DMTF1: variants seen among roughly 807,000 people sequenced by gnomAD.
The protein encoded by DMTF1 is cyclin D binding myb like transcription factor 1.
Under a neutral mutation model 91.1 loss-of-function variants are expected in DMTF1, and 39 were observed. The observed-to-expected ratio is 0.43, with a 90% CI of 0.33 to 0.56. DMTF1 has a LOEUF of 0.56. Among genes scored for constraint, DMTF1 ranks in the 20% least tolerant of loss-of-function variants. The pLI is 0.05. For missense variants in DMTF1, 750 were observed against 914.5 expected, an observed-to-expected ratio of 0.82 and a Z score of 2.32; for synonymous variants, 338 against 309.5, an observed-to-expected ratio of 1.09 and a Z score of -0.97.
chr7:87,193,788 A>G lies in DMTF1; in HGVS notation c.1714A>G (p.Ile572Val), dbSNP rs1211487147. 1 of 1,613,192 alleles carries G rather than the reference A, an allele frequency of 6.2e-7. No individual in the cohort carries two copies. The highest frequency in any genetic ancestry group is 2.2e-5 in the East Asian group (1 of 44,854). The change falls in exon 16 of 18, where the codon ATT (isoleucine) becomes GTT (valine). Residue 572 changes from isoleucine to valine, a missense_variant. This residue lies in a region of DMTF1 where 410 missense variants were observed against 420.2 expected (regional missense o/e 0.98). Coordinates refer to ENST00000331242, the MANE Select transcript of DMTF1 (RefSeq NM_001142327.2). ...TVQCHTPRVI[I>V]QTVATEDITS... is the part of the protein sequence containing the mutation. ...GCAGTGTCACACACCAAGAGTCATC[A>G]TTCAGACTGTTGCCACAGAGGACAT...
intron 17 of DMTF1, 80 bp from the exon 18 acceptor site, chr7:87,194,951 T>G: frequency 1.4e-6 from 2 of 1,425,774 alleles, no homozygotes; most frequent in Non-Finnish European, 1.9e-6. Flanking sequence ...AGTTCTACAC[T>G]GTGGTAGAAT....
Position 87,160,217 on chromosome 7 carries a change from C to T in DMTF1, c.-131-3278C>T, listed in dbSNP as rs542929950. On this transcript the variant is annotated intron_variant, in intron 1 of 17. Coordinates refer to ENST00000331242, the MANE Select transcript of DMTF1 (RefSeq NM_001142327.2). The stretch of plus-strand genomic sequence containing the variant: ...AACAACTGTCTTGATTGCACTTGGT[C>T]CTTTTGTTCTAATTTGAAAGCTAAA... Among the ~76,000 whole-genome samples, 57 of 151,696 alleles carry T rather than the reference C, an allele frequency of 3.8e-4. No individual in the cohort carries two copies. In the South Asian group the frequency reaches 0.011, roughly 30 times the overall value.
intron 1 of DMTF1, among the ~76,000 whole-genome samples, chr7:87,159,499 G>T (rs1454992870): frequency 6.6e-6 from 1 of 152,076 alleles, no homozygotes; most frequent in African/African-American, 2.4e-5. Flanking sequence ...CTACCCTCAG[G>T]TATTTTTTTC....
rs1343114136 is a variant in DMTF1, at chr7:87,184,498, G to A, written c.922G>A (p.Ala308Thr). The change falls in exon 11 of 18, where the codon GCT becomes ACT. Residue 308 changes from alanine (A) to threonine (T), a missense_variant. By Grantham distance (58) the Ala-to-Thr change is moderately conservative. Around this residue, in one of 3 missense-constraint regions of DMTF1, gnomAD observed 190 missense variants for 343.8 expected, o/e 0.55. Transcript: ENST00000331242. Reference protein sequence around the residue: ...DIVTQGVSWAAVAERVGTRSE... With the variant: ...DIVTQGVSWATVAERVGTRSE... ...AGTCACACAGGGTGTGTCTTGGGCA[G>A]CTGTGGCTGAACGAGTCGGTACCCG... is the stretch of plus-strand genomic sequence containing the variant. 1 of 1,613,916 alleles carries A rather than the reference G, an allele frequency of 6.2e-7. No homozygotes were observed. The highest frequency in any genetic ancestry group is 1.3e-5 in the African/African-American group (1 of 74,928).
At chr7:87,154,406 A>G (rs1790138727) in intron 1 of DMTF1, 1 of 152,664 alleles carries the variant, frequency 6.6e-6, no homozygotes, top group Non-Finnish European at 1.5e-5. Context: ...GGCTCACCCC[A>G]AAATATGCTT....
chr7:87,165,400 T>C (rs995660117), intron 3 of DMTF1, among the ~76,000 whole-genome samples: 8 of 152,188 alleles, frequency 5.3e-5, no homozygotes, highest in Non-Finnish European at 1.0e-4. Context: ...TTGTACACAA[T>C]CATTTCAGTA....
Position 87,191,009 on chromosome 7 carries a change from G to A in DMTF1, c.1476G>A (p.Gln492=), listed in dbSNP as rs1258504010. Residue 492 remains glutamine (Q), a synonymous_variant, in exon 14 of 18, where the codon CAG becomes CAA. Coordinates refer to ENST00000331242, the MANE Select transcript of DMTF1 (RefSeq NM_001142327.2). ...ETITLNSGTL[Q]TFEILPSFHL... Reference sequence around the variant, plus strand: ...TAACACTAAACAGTGGAACACTACAGACATTTGAGATTCTTCCCGTGAGTA... The same window carrying A: ...TAACACTAAACAGTGGAACACTACAAACATTTGAGATTCTTCCCGTGAGTA... 1.9e-6 allele frequency: 3 copies of A among 1,604,628 alleles called. No individual in the cohort carries two copies. The highest frequency in any genetic ancestry group is 2.6e-6 in the Non-Finnish European group (3 of 1,174,422).
rs1413498961 is a variant in DMTF1 at position 87,195,348 on chromosome 7, G to A, written c.*208G>A. ...GAGTTTTATGACAGTATGTAGTTGAGTGGAGGCTGGGAGTTTTAAGCATAA... is the reference window on the plus strand; with the variant it reads ...GAGTTTTATGACAGTATGTAGTTGAATGGAGGCTGGGAGTTTTAAGCATAA... On this transcript the variant is annotated 3_prime_UTR_variant, in exon 18 of 18. Coordinates refer to ENST00000331242, the MANE Select transcript of DMTF1 (RefSeq NM_001142327.2). 1 of 424,390 alleles carries A rather than the reference G, an allele frequency of 2.4e-6. No individual in the cohort carries two copies. The highest frequency in any genetic ancestry group is 2.0e-5 in the African/African-American group (1 of 48,946). The allele number at this position is 424,390 out of a possible 1,614,324, so 26.3% of individuals were successfully genotyped here.
At chr7:87,189,309 T>G (rs1335837676) in intron 13 of DMTF1, among the ~76,000 whole-genome samples, 1 of 152,182 alleles carries the variant, frequency 6.6e-6, no homozygotes, top group Non-Finnish European at 1.5e-5. Context: ...CCATACCTCT[T>G]ATTCTTAAAA....
chr7:87,183,022 C>T (rs900404501), intron 10 of DMTF1, among the ~76,000 whole-genome samples: 2 of 152,114 alleles, frequency 1.3e-5, no homozygotes, highest in African/African-American at 4.8e-5. Context: ...AGTAGGTGGT[C>T]TCATAGTGCC....
At chr7:87,174,413 G>A (rs867939777) in intron 6 of DMTF1, among the ~76,000 whole-genome samples, 180 bp from the exon 7 acceptor site, 4 of 152,058 alleles carry the variant, frequency 2.6e-5, no homozygotes, top group South Asian at 2.1e-4. Context: ...GTATTCTAGC[G>A]TAAAAACCAG....
chr7:87,170,277 CT>C (rs1794772567), intron 4 of DMTF1, among the ~76,000 whole-genome samples: 1 of 152,190 alleles, frequency 6.6e-6, no homozygotes, highest in Admixed American at 6.5e-5. Context: ...ACTGACCTAT[CT>C]TTTTTGCATT....
chr7:87,193,667 G>T, intron 15 of DMTF1, 58 bp from the exon 16 acceptor site: 1 of 1,435,990 alleles, frequency 7.0e-7, no homozygotes, highest in Non-Finnish European at 9.5e-7. Context: ...AGACAGTGAG[G>T]TACCCCCATA....
rs758515821 is a variant in DMTF1, at chr7:87,191,042, A to G, written c.1494+15A>G. The G allele has an allele frequency of 2.6e-6, 4 of 1,526,872 alleles. No individual in the cohort carries two copies. Among genetic ancestry groups the G allele is most frequent in the East Asian group, 4.6e-5 (2 of 43,726 alleles). The allele number at this position is 1,526,872 out of a possible 1,614,324, so 94.6% of individuals were successfully genotyped here. On this transcript the variant is annotated intron_variant, in intron 14 of 17. Coordinates refer to ENST00000331242, the MANE Select transcript of DMTF1 (RefSeq NM_001142327.2). The stretch of plus-strand genomic sequence containing the variant: ...AGATTCTTCCCGTGAGTAACGCTTC[A>G]TATATATTGGCCATTTTTATGCATG...
At chr7:87,184,293 C>T in intron 10 of DMTF1, 104 bp from the exon 11 acceptor site, 1 of 1,063,924 alleles carries the variant, frequency 9.4e-7, no homozygotes, top group Admixed American at 2.3e-5. Context: ...GAAACAAACT[C>T]TTAGTACTAT....
intron 14 of DMTF1, chr7:87,192,738 C>G (rs1294883337): frequency 6.5e-6 from 1 of 152,804 alleles, no homozygotes; most frequent in Non-Finnish European, 1.5e-5. Flanking sequence ...ACATCTTTCT[C>G]CTTCAGCAGA....
chr7:87,171,142 T>C lies in DMTF1; in HGVS notation c.327+53T>C, dbSNP rs185358584. 19 of 1,230,222 alleles carry C rather than the reference T, an allele frequency of 1.5e-5. No homozygotes were observed. In the Admixed American group the frequency reaches 3.8e-4, roughly 24 times the overall value. The allele number at this position is 1,230,222 out of a possible 1,614,324, so 76.2% of individuals were successfully genotyped here. A position where few individuals can be genotyped will look rare whatever the true frequency, so the allele number is the denominator to read the frequency against. The stretch of plus-strand genomic sequence containing the variant: ...GGAGGATGATCCTTTACACATTGCT[T>C]AGCTAATAAAATGATGAGAAACCTC... On this transcript the variant is annotated intron_variant, in intron 5 of 17. Coordinates refer to ENST00000331242, the MANE Select transcript of DMTF1 (RefSeq NM_001142327.2).
In DMTF1 at chr7:87,193,706, G is replaced by C; in HGVS notation, c.1651-19G>C. ...GTCATTTGATTTACAACTTTAACAG[G>C]TTCTTTAATGTTTTATAGCCAGAAC... On this transcript the variant is annotated intron_variant, in intron 15 of 17. Coordinates refer to ENST00000331242, the MANE Select transcript of DMTF1 (RefSeq NM_001142327.2). 2 of 1,565,506 alleles carry C rather than the reference G, an allele frequency of 1.3e-6. 1 individual carries two copies.
At position 87,182,343 on chromosome 7, in the gene DMTF1, G is replaced by A. The variant is rs188979217; in HGVS notation, c.820+6G>A. ...GAAGGATACTTGCAACACAGGTACTGTGACTACTACTGGTAGCGTTTTCTT... is the reference window on the plus strand; with the variant it reads ...GAAGGATACTTGCAACACAGGTACTATGACTACTACTGGTAGCGTTTTCTT... On this transcript the variant is annotated splice_donor_region_variant and intron_variant, in intron 10 of 17. Coordinates refer to ENST00000331242, the MANE Select transcript of DMTF1 (RefSeq NM_001142327.2). 3.2e-5 allele frequency: 51 copies of A among 1,613,890 alleles called. 1 individual carries two copies. Among genetic ancestry groups the A allele is most frequent in the African/African-American group, 2.0e-4 (15 of 75,042 alleles).
Sources: allele counts gnomAD v4.1 joint callset (sites outside exome capture counted in the v4.1 genomes callset), GRCh38; gene constraint gnomAD v4.1.1; regional missense constraint gnomAD v4.1.1; transcripts MANE v1.5; gene names NCBI Gene and HGNC (gene_info 2026-07-23, HGNC 2026-07-21).